The following GEMIN5 variants were observed in gnomAD, a reference collection of about 807,000 sequenced individuals.
The protein encoded by GEMIN5 is gem nuclear organelle associated protein 5, also known as gem-associated protein 5.
In GEMIN5, 124 loss-of-function variants were observed where a neutral mutation model predicts 176.9. The observed-to-expected ratio is 0.70, with a 90% CI of 0.61 to 0.81. GEMIN5 has a LOEUF of 0.81. Ranked by LOEUF, GEMIN5 falls within the 40% of genes least tolerant of loss-of-function variation. The pLI is 0.00. For missense variants in GEMIN5, 1,843 were observed against 1,814.6 expected (o/e 1.02, Z -0.28); for synonymous variants, 673 against 665.2 (o/e 1.01, Z -0.18).
intron 11 of GEMIN5, 24 bp downstream of exon 11, chr5:154,919,943 T>C (rs1269211286): frequency 1.2e-6 from 2 of 1,606,630 alleles, no homozygotes; most frequent in East Asian, 2.2e-5. Context: ...AAAAAGAAAA[T>C]ACTTCAGGAC....
Position 154,888,014 on chromosome 5 carries a change from A to C in GEMIN5, c.*196T>G. The C allele has an allele frequency of 1.7e-6, 1 of 571,562 alleles. No individual in the cohort carries two copies. Among genetic ancestry groups the C allele is most frequent in the East Asian group, 3.0e-5 (1 of 32,870 alleles). The allele number at this position is 571,562 out of a possible 1,614,324, so 35.4% of individuals were successfully genotyped here. ...ATGATCTTCCCTCCAGTAGGAGACC[A>C]CAATTGAGTCTAAAGTCAGATCCAC... On this transcript the variant is annotated 3_prime_UTR_variant, in exon 28 of 28. Coordinates refer to ENST00000285873, the MANE Select transcript of GEMIN5 (RefSeq NM_015465.5).
At chr5:154,935,171 C>T (rs1384089298) in intron 3 of GEMIN5, among the ~76,000 whole-genome samples, 3 of 152,250 alleles carry the variant, frequency 2.0e-5, no homozygotes, top group Non-Finnish European at 4.4e-5. Flanking sequence ...TTGACCCCAT[C>T]TATCCCCTCT....
At position 154,896,277 on chromosome 5, in the gene GEMIN5, C is replaced by G. The variant is rs1163501885; in HGVS notation, c.3412G>C (p.Glu1138Gln). Reference protein sequence around the residue: ...SRHLEEKQLSEGKSSSSYHTW... With the variant: ...SRHLEEKQLSQGKSSSSYHTW... Reference sequence around the variant, plus strand: ...TGGTAAGAGGAGGAGCTTTTGCCCTCTGAAAGCTGCTTTTCCTCCAGATGC... The same window carrying G: ...TGGTAAGAGGAGGAGCTTTTGCCCTGTGAAAGCTGCTTTTCCTCCAGATGC... Residue 1138 changes from glutamate to glutamine, a missense_variant, in exon 24 of 28, where the codon GAG becomes CAG. Transcript: ENST00000285873. The G allele has an allele frequency of 6.2e-7, 1 of 1,612,440 alleles. No homozygotes were observed. Among genetic ancestry groups the G allele is most frequent in the South Asian group, 1.1e-5 (1 of 90,776 alleles).
intron 17 of GEMIN5, 70 bp downstream of exon 17, chr5:154,905,293 T>C (rs1274110550): frequency 1.2e-5 from 8 of 662,758 alleles, no homozygotes; most frequent in South Asian, 2.1e-5. Flanking sequence ...TTTTTGACAG[T>C]TGCGTGTAAT....
intron 11 of GEMIN5, among the ~76,000 whole-genome samples, chr5:154,919,728 C>G (rs1763884104): frequency 1.3e-5 from 2 of 151,964 alleles, no homozygotes; most frequent in Admixed American, 1.3e-4. Context: ...TCTTTTTTGG[C>G]TTTTTTATTT....
rs1763141636 is a variant in GEMIN5, at chr5:154,887,847, T to A, written c.*363A>T. On this transcript the variant is annotated 3_prime_UTR_variant, in exon 28 of 28. Coordinates refer to ENST00000285873, the MANE Select transcript of GEMIN5 (RefSeq NM_015465.5). The stretch of plus-strand genomic sequence containing the variant: ...CACACTTCTGATCAGATGAAGTATT[T>A]ACAAAGGTAGCTTGTGTTTTAAGCA... The A allele has an allele frequency of 4.5e-6, 1 of 223,660 alleles. No individual in the cohort carries two copies. Among genetic ancestry groups the A allele is most frequent in the Admixed American group, 5.9e-5 (1 of 16,954 alleles). 13.9% of individuals were successfully genotyped at this position (223,660 alleles called of 1,614,324 possible).
intron 15 of GEMIN5, among the ~76,000 whole-genome samples, chr5:154,909,519 A>C (rs1763649126): frequency 6.6e-6 from 1 of 150,708 alleles, no homozygotes. Flanking sequence ...ATAATAAAAT[A>C]CACCAATTTT....
Position 154,904,497 on chromosome 5 carries a change from A to G in GEMIN5, c.2632+10T>C, listed in dbSNP as rs772259935. The stretch of plus-strand genomic sequence containing the variant: ...GACTATGGATGGGCCAAGGAAGTAC[A>G]TTTTTGTACCTCTGGAGTGCTTTGC... On this transcript the variant is annotated intron_variant, in intron 18 of 27. Coordinates refer to ENST00000285873, the MANE Select transcript of GEMIN5 (RefSeq NM_015465.5). 3.1e-6 allele frequency: 5 copies of G among 1,613,056 alleles called. No individual in the cohort carries two copies. The South Asian group carries it at 3.3e-5, about 11-fold the overall frequency.
chr5:154,902,822 C>T (rs2113469215), intron 19 of GEMIN5, 146 bp from the exon 20 acceptor site: 1 of 820,474 alleles, frequency 1.2e-6, no homozygotes, highest in Admixed American at 2.5e-5. Context: ...AGAGTGATTA[C>T]AGTAAGATCT....
rs755253452 is a variant in GEMIN5, at chr5:154,899,244, G to A, written c.3081C>T (p.Leu1027=). Residue 1027 remains leucine, a synonymous_variant, in exon 22 of 28, where the codon CTC becomes CTT. Coordinates refer to ENST00000285873, the MANE Select transcript of GEMIN5 (RefSeq NM_015465.5). ...CTCTTTCTAGGACGGTTCCCCAGCT[G>A]AGGTACAAGTCCTTCAGGACTGGGT... ...PEDPVLKDLY[L]SWGTVLERDG... 26 of 1,613,344 alleles carry A rather than the reference G, an allele frequency of 1.6e-5. No homozygotes were observed. In the South Asian group the frequency reaches 2.5e-4, roughly 16 times the overall value.
intron 26 of GEMIN5, among the ~76,000 whole-genome samples, chr5:154,890,267 C>T (rs1381360428): frequency 6.6e-6 from 1 of 152,128 alleles, no homozygotes; most frequent in Non-Finnish European, 1.5e-5. Flanking sequence ...CTATTCAAGT[C>T]CTTTGCCCAT....
chr5:154,905,029 C>T (rs946196253), intron 17 of GEMIN5, among the ~76,000 whole-genome samples: 6 of 152,052 alleles, frequency 3.9e-5, no homozygotes, highest in Admixed American at 3.9e-4. Context: ...CCCGTCTCTA[C>T]TAAAAATAAC....
chr5:154,897,410 A>G lies in GEMIN5; in HGVS notation c.3345+1030T>C, dbSNP rs114231281. ...GCTTTAATCTGTTTTGATGTGTCAA[A>G]AAGGCAGTGGTATGTTACTGATTTT... On this transcript the variant is annotated intron_variant, in intron 23 of 27. Transcript: ENST00000285873. Among the ~76,000 whole-genome samples the G allele has an allele frequency of 2.9e-3, 435 of 152,344 alleles. 3 individuals carry two copies. Among genetic ancestry groups the G allele is most frequent in the African/African-American group, 9.8e-3 (406 of 41,576 alleles).
chr5:154,922,521 G>C (rs1462081279), intron 9 of GEMIN5, among the ~76,000 whole-genome samples: 1 of 152,068 alleles, frequency 6.6e-6, no homozygotes, highest in South Asian at 2.1e-4. Flanking sequence ...AATAGCTCTA[G>C]GGCAATACCC....
At chr5:154,897,886 C>A (rs1763382647) in intron 23 of GEMIN5, among the ~76,000 whole-genome samples, 1 of 150,106 alleles carries the variant, frequency 6.7e-6, no homozygotes, top group South Asian at 2.1e-4. Flanking sequence ...AACCCAAGGC[C>A]TGGGCTGACT....
chr5:154,908,069 C>T (rs1270330685), intron 15 of GEMIN5, among the ~76,000 whole-genome samples: 5 of 151,554 alleles, frequency 3.3e-5, no homozygotes, highest in Admixed American at 1.3e-4. Context: ...CATGCTCCGA[C>T]GTCACCATAG....
rs760123622 is a variant in GEMIN5, at chr5:154,937,188, T to C, written c.167-3A>G. 6.3e-7 allele frequency: 1 copy of C among 1,596,248 alleles called. No individual in the cohort carries two copies. The highest frequency in any genetic ancestry group is 8.6e-7 in the Non-Finnish European group (1 of 1,168,810). Reference sequence around the variant, plus strand: ...GTGTCCCACCAACTCTCCTATGACTTTAAGCAAAACCAGACGCTAGGTTAA... The same window carrying C: ...GTGTCCCACCAACTCTCCTATGACTCTAAGCAAAACCAGACGCTAGGTTAA... On this transcript the variant is annotated splice_region_variant and splice_polypyrimidine_tract_variant and intron_variant, in intron 1 of 27. Coordinates refer to ENST00000285873, the MANE Select transcript of GEMIN5 (RefSeq NM_015465.5).
chr5:154,924,650 T>C, intron 8 of GEMIN5, 96 bp from the exon 9 acceptor site: 1 of 759,430 alleles, frequency 1.3e-6, no homozygotes, highest in South Asian at 1.6e-5. Context: ...AAGGGAAAAC[T>C]GTCTTGCTCT....
chr5:154,921,536 T>G (rs185069042), intron 9 of GEMIN5, 111 bp from the exon 10 acceptor site: 86 of 638,042 alleles, frequency 1.3e-4, no homozygotes, highest in Admixed American at 5.4e-4. Flanking sequence ...CTACTAATAA[T>G]TGGAGAAAAA....
Sources: gnomAD v4.1 joint callset for allele counts (sites outside exome capture counted in the v4.1 genomes callset) on GRCh38, gnomAD v4.1.1 for gene constraint, MANE v1.5 for transcripts, NCBI Gene and HGNC (gene_info 2026-07-23, HGNC 2026-07-21) for gene names.